Variants in GFRAL observed in about 807,000 individuals in gnomAD.
GFRAL encodes the protein GDNF family receptor alpha-like.
GFRAL carries 36 observed loss-of-function variants against 45.4 expected under a neutral mutation model. The observed-to-expected ratio is 0.79, with a 90% CI of 0.61 to 1.05. The LOEUF is 1.05. Ranked by LOEUF, GFRAL falls within the 50% of genes least tolerant of loss-of-function variation. The pLI, the probability that GFRAL is intolerant of heterozygous loss-of-function variation, is 0.00. For synonymous variants in GFRAL, 166 were observed against 154.1 expected (o/e 1.08, Z -0.57); for missense variants, 507 against 467.5 (o/e 1.08, Z -0.78).
At chr6:55,375,108 C>CT (rs1399740151) in intron 6 of GFRAL, among the ~76,000 whole-genome samples, 2 of 151,952 alleles carry the variant, frequency 1.3e-5, no homozygotes, top group South Asian at 2.1e-4. Context: ...CTATTTCGCT[C>CT]TTTTTTTGCT....
At chr6:55,363,047 G>T (rs966321353) in intron 6 of GFRAL, among the ~76,000 whole-genome samples, 1 of 150,866 alleles carries the variant, frequency 6.6e-6, no homozygotes, top group African/African-American at 2.4e-5. Flanking sequence ...AGGGAAGGTA[G>T]AGGAGGAGGA....
intron 6 of GFRAL, among the ~76,000 whole-genome samples, chr6:55,362,791 A>G (rs1768293954): frequency 6.6e-6 from 1 of 151,952 alleles, no homozygotes; most frequent in Non-Finnish European, 1.5e-5. Context: ...AGAGATATGA[A>G]ATACCACCAT....
At chr6:55,332,192 TG>T (rs1767839159) in intron 2 of GFRAL, among the ~76,000 whole-genome samples, 1 of 152,174 alleles carries the variant, frequency 6.6e-6, no homozygotes, top group Admixed American at 6.5e-5. Context: ...CATATGTCAA[TG>T]ATAAAATAGA....
intron 3 of GFRAL, among the ~76,000 whole-genome samples, chr6:55,348,039 G>A (rs546023792): frequency 3.3e-5 from 5 of 152,204 alleles, no homozygotes; most frequent in African/African-American, 1.2e-4. Context: ...AAGATGTATG[G>A]AAGTACTTCT....
At chr6:55,379,501 C>T (rs1768577246) in intron 6 of GFRAL, among the ~76,000 whole-genome samples, 1 of 136,002 alleles carries the variant, frequency 7.4e-6, no homozygotes, top group East Asian at 2.0e-4. Context: ...TTGCTTTTTC[C>T]CCAAATTTAT....
intron 6 of GFRAL, among the ~76,000 whole-genome samples, chr6:55,363,698 T>C (rs990418598): frequency 1.3e-5 from 2 of 150,508 alleles, no homozygotes; most frequent in African/African-American, 4.9e-5. Context: ...TTTGGTTTTT[T>C]GTTCTTGCGA....
chr6:55,373,111 C>CA (rs1489622824), intron 6 of GFRAL, among the ~76,000 whole-genome samples: 10 of 151,280 alleles, frequency 6.6e-5, no homozygotes, highest in Middle Eastern at 6.8e-3. Context: ...AACTTCTATT[C>CA]AAAATCAGGA....
chr6:55,348,084 G>A (rs989132626), intron 3 of GFRAL, among the ~76,000 whole-genome samples: 6 of 152,038 alleles, frequency 3.9e-5, no homozygotes, highest in African/African-American at 1.4e-4. Context: ...ATATTTTAGG[G>A]ATTGTTGGAT....
intron 1 of GFRAL, among the ~76,000 whole-genome samples, chr6:55,329,586 G>C (rs1275509986): frequency 1.3e-5 from 2 of 152,072 alleles, no homozygotes; most frequent in Non-Finnish European, 2.9e-5. Flanking sequence ...TTTGTGCTAG[G>C]ATCAAAAGAG....
rs376599512 is a variant in GFRAL at position 55,359,040 on chromosome 6, C to T, written c.854C>T (p.Thr285Met). 48 of 1,612,778 alleles carry T rather than the reference C, an allele frequency of 3.0e-5. No homozygotes were observed. In the East Asian group the frequency reaches 4.7e-4, roughly 16 times the overall value. ...CKAAYIDILG[T>M]VLQVQCTCRT... ...GCTGCTTACATAGATATCCTTGGGA[C>T]GGTCCTTCAAGTGCAATGTACCTGT... Residue 285 changes from threonine to methionine, a missense_variant, in exon 6 of 9, where the codon ACG (threonine) becomes ATG (methionine). By Grantham distance (81) the Thr-to-Met change is moderately conservative. Coordinates refer to ENST00000340465, the MANE Select transcript of GFRAL (RefSeq NM_207410.2).
chr6:55,374,535 T>C (rs1768498503), intron 6 of GFRAL, among the ~76,000 whole-genome samples: 1 of 152,230 alleles, frequency 6.6e-6, no homozygotes, highest in Admixed American at 6.5e-5. Context: ...ATTAGATCTT[T>C]GCCAAATGGA....
At chr6:55,374,313 A>C (rs2127361440) in intron 6 of GFRAL, among the ~76,000 whole-genome samples, 1 of 152,162 alleles carries the variant, frequency 6.6e-6, no homozygotes, top group South Asian at 2.1e-4. Context: ...TAGATCCTTG[A>C]GGAATTGCCA....
In GFRAL at chr6:55,402,479, G is replaced by A. The variant is rs1023742333; in HGVS notation, c.*626G>A. 6.6e-6 allele frequency: 1 copy of A among 152,072 alleles called. No homozygotes were observed. Among genetic ancestry groups the A allele is most frequent in the Non-Finnish European group, 1.5e-5 (1 of 68,008 alleles). The allele number at this position is 152,072 out of a possible 1,614,324, so 9.4% of individuals were successfully genotyped here. On this transcript the variant is annotated 3_prime_UTR_variant, in exon 9 of 9. Coordinates refer to ENST00000340465, the MANE Select transcript of GFRAL (RefSeq NM_207410.2). The stretch of plus-strand genomic sequence containing the variant: ...TTTACAACACTGGAACAGAAATAAA[G>A]TTTCCCTTGAAGGCAAAAAGTGTTA...
intron 2 of GFRAL, among the ~76,000 whole-genome samples, chr6:55,332,640 T>A (rs969028194): frequency 3.3e-5 from 5 of 152,112 alleles, no homozygotes; most frequent in African/African-American, 1.2e-4. Context: ...GCCAGGATGG[T>A]CTCAATTTCT....
At chr6:55,363,488 C>T (rs1768306599) in intron 6 of GFRAL, among the ~76,000 whole-genome samples, 3 of 149,428 alleles carry the variant, frequency 2.0e-5, no homozygotes, top group Non-Finnish European at 3.0e-5. Context: ...GCACATTGTG[C>T]AGGTTAGTTA....
chr6:55,363,255 G>C (rs10456708), intron 6 of GFRAL, among the ~76,000 whole-genome samples: 79,735 of 151,554 alleles, frequency 0.53, 21,104 homozygotes, highest in South Asian at 0.63. Context: ...TTCTTTACTT[G>C]TAATACATAC....
intron 8 of GFRAL, 128 bp downstream of exon 8, chr6:55,399,569 T>C: frequency 1.5e-6 from 1 of 647,474 alleles, no homozygotes. Flanking sequence ...ACATATTAAA[T>C]CAAGTTTTAT....
rs187794689 is a variant in GFRAL at position 55,335,384 on chromosome 6, T to C, written c.316+1440T>C. Reference sequence around the variant, plus strand: ...GAATAGATTTTTTTTAATCAGAATATGTGTTTTGTATTTTTTTAGTCTGTA... The same window carrying C: ...GAATAGATTTTTTTTAATCAGAATACGTGTTTTGTATTTTTTTAGTCTGTA... On this transcript the variant is annotated intron_variant, in intron 3 of 8. Transcript: ENST00000340465. Among the ~76,000 whole-genome samples the C allele has an allele frequency of 4.6e-5, 7 of 152,280 alleles. No individual in the cohort carries two copies. In the East Asian group the frequency reaches 1.3e-3, roughly 29 times the overall value.
intron 6 of GFRAL, among the ~76,000 whole-genome samples, chr6:55,384,279 C>A (rs1466931950): frequency 6.6e-6 from 1 of 151,542 alleles, no homozygotes; most frequent in East Asian, 1.9e-4. Flanking sequence ...ATAAAAAAAA[C>A]TCAAGAACTT....
Sources: allele counts gnomAD v4.1 joint callset (sites outside exome capture counted in the v4.1 genomes callset), GRCh38; gene constraint gnomAD v4.1.1; transcripts MANE v1.5; gene names NCBI Gene and HGNC (gene_info 2026-07-23, HGNC 2026-07-21).